Variants in SPATC1L observed in about 807,000 individuals in gnomAD.
The protein encoded by SPATC1L is speriolin-like protein.
In SPATC1L, 20 loss-of-function variants were observed where a neutral mutation model predicts 21.2. The ratio of observed to expected loss-of-function variants is 0.94; its 90% confidence interval spans 0.66 to 1.37. The LOEUF (loss-of-function observed/expected upper bound fraction) is 1.37, where lower values mean the gene tolerates loss of function less well. SPATC1L is among the 40% of genes most tolerant of loss of function. The pLI, the probability that SPATC1L is intolerant of heterozygous loss-of-function variation, is 0.00. For synonymous variants in SPATC1L, 290 were observed against 234.5 expected (o/e 1.24, Z -2.16); for missense variants, 499 against 478.7 (o/e 1.04, Z -0.40).
intron 2 of SPATC1L, among the ~76,000 whole-genome samples, chr21:46,169,107 T>C (rs1021840378): frequency 6.6e-6 from 1 of 152,286 alleles, no homozygotes; most frequent in Admixed American, 6.5e-5. Flanking sequence ...AACTGTTTCC[T>C]GGCAACTCTG....
chr21:46,182,973 C>A lies in SPATC1L; in HGVS notation c.-157G>T. 1 of 769,094 alleles carries A rather than the reference C, an allele frequency of 1.3e-6. No homozygotes were observed. The highest frequency in any genetic ancestry group is 2.0e-6 in the Non-Finnish European group (1 of 510,604). 47.6% of individuals were successfully genotyped at this position (769,094 alleles called of 1,614,324 possible). A position where few individuals can be genotyped will look rare whatever the true frequency, so the allele number is the denominator to read the frequency against. ...ATGTCACTGCCCTAGTGATGAGGTG[C>A]CCAGCACCCTGCCTGCCCCCGCGAT... On this transcript the variant is annotated 5_prime_UTR_variant, in exon 2 of 5. Coordinates refer to ENST00000291672, the MANE Select transcript of SPATC1L (RefSeq NM_001142854.2).
At chr21:46,171,155 A>T (rs746112211) in intron 2 of SPATC1L, among the ~76,000 whole-genome samples, 1 of 152,244 alleles carries the variant, frequency 6.6e-6, no homozygotes, top group Non-Finnish European at 1.5e-5. Context: ...CACCCTCATG[A>T]GGACTGAATA....
chr21:46,177,214 C>T (rs1207005403), intron 2 of SPATC1L, among the ~76,000 whole-genome samples: 1 of 152,148 alleles, frequency 6.6e-6, no homozygotes, highest in African/African-American at 2.4e-5. Context: ...GCAAAGATTT[C>T]ACAACAAAGA....
Position 46,161,307 on chromosome 21 carries a change from C to T in SPATC1L, c.*72G>A, listed in dbSNP as rs949597567. Reference sequence around the variant, plus strand: ...CGGCCCTTTCCCCTCCGGGGGGACGCGCAGGAGGCACCGCGGCCCCGGGTT... The same window carrying T: ...CGGCCCTTTCCCCTCCGGGGGGACGTGCAGGAGGCACCGCGGCCCCGGGTT... On this transcript the variant is annotated 3_prime_UTR_variant, in exon 5 of 5. Coordinates refer to ENST00000291672, the MANE Select transcript of SPATC1L (RefSeq NM_001142854.2). The T allele has an allele frequency of 6.3e-5, 87 of 1,378,710 alleles. 2 individuals are homozygous for T. Among genetic ancestry groups the T allele is most frequent in the Middle Eastern group, 4.1e-4 (2 of 4,918 alleles). The allele number at this position is 1,378,710 out of a possible 1,614,324, so 85.4% of individuals were successfully genotyped here. A position where few individuals can be genotyped will look rare whatever the true frequency, so the allele number is the denominator to read the frequency against.
chr21:46,164,618 C>T (rs1280466440), intron 3 of SPATC1L, among the ~76,000 whole-genome samples: 1 of 151,708 alleles, frequency 6.6e-6, no homozygotes, highest in African/African-American at 2.4e-5. Flanking sequence ...ATGGTGAAAC[C>T]CCATCTCTAC....
rs537412244 is a variant in SPATC1L at position 46,182,171 on chromosome 21, G to A, written c.193+453C>T. 8.5e-5 allele frequency among the ~76,000 whole-genome samples: 13 copies of A among 152,230 alleles called. No individual in the cohort carries two copies. In the East Asian group the frequency reaches 1.6e-3, roughly 18 times the overall value. On this transcript the variant is annotated intron_variant, in intron 2 of 4. Transcript: ENST00000291672. ...CCATGGGGCTGGCCTGGCTCTGGCCGGGGACATGAGTGGATGGGACACAGC... is the reference window on the plus strand; with the variant it reads ...CCATGGGGCTGGCCTGGCTCTGGCCAGGGACATGAGTGGATGGGACACAGC...
chr21:46,179,957 CG>C (rs1223057817), intron 2 of SPATC1L, among the ~76,000 whole-genome samples: 1 of 152,228 alleles, frequency 6.6e-6, no homozygotes, highest in Admixed American at 6.5e-5. Context: ...GGAACGATGC[CG>C]GCGCAGTGCC....
At chr21:46,167,535 C>A (rs943825165) in intron 3 of SPATC1L, among the ~76,000 whole-genome samples, 5 of 152,134 alleles carry the variant, frequency 3.3e-5, no homozygotes, top group Admixed American at 3.3e-4. Flanking sequence ...AATTGACAGG[C>A]CAGGCATGGT....
intron 3 of SPATC1L, among the ~76,000 whole-genome samples, chr21:46,163,060 G>C (rs971848382): frequency 1.3e-5 from 2 of 152,170 alleles, no homozygotes; most frequent in Non-Finnish European, 2.9e-5. Flanking sequence ...TATCTCATTT[G>C]CATTTCACTA....
In SPATC1L at chr21:46,161,240, C is replaced by T. The variant is rs565965239; in HGVS notation, c.*139G>A. ...GCGGGCTGCGGTCGGGGCCCAGCAC[C>T]GGTGGGAGCGGGGCCTTCTCTGGCC... On this transcript the variant is annotated 3_prime_UTR_variant, in exon 5 of 5. Transcript: ENST00000291672. 1.7e-4 allele frequency: 127 copies of T among 749,682 alleles called. No individual in the cohort carries two copies. The highest frequency in any genetic ancestry group is 1.2e-3 in the Middle Eastern group (3 of 2,486). The allele number at this position is 749,682 out of a possible 1,614,324, so 46.4% of individuals were successfully genotyped here. A position where few individuals can be genotyped will look rare whatever the true frequency, so the allele number is the denominator to read the frequency against.
chr21:46,169,309 G>A (rs867362827), intron 2 of SPATC1L, among the ~76,000 whole-genome samples: 1 of 146,380 alleles, frequency 6.8e-6, no homozygotes, highest in Non-Finnish European at 1.5e-5. Context: ...TCTGTGGATG[G>A]GGAGGAGCCT....
chr21:46,182,546 G>A (rs1262674369), intron 2 of SPATC1L, 78 bp downstream of exon 2: 11 of 1,336,238 alleles, frequency 8.2e-6, no homozygotes, highest in African/African-American at 7.5e-5. Context: ...GGAGCTGGCC[G>A]CCACCCTCGA....
chr21:46,182,788 C>G lies in SPATC1L; in HGVS notation c.29G>C (p.Arg10Pro). Residue 10 changes from arginine (R) to proline (P), a missense_variant, in exon 2 of 5, where the codon CGG becomes CCG. Coordinates refer to ENST00000291672, the MANE Select transcript of SPATC1L (RefSeq NM_001142854.2). MAEGGELMS[R>P]LLSENADLKK... ...CAGGTCCGCGTTCTCGCTCAGGAGC[C>G]GGCTCATCAGCTCGCCGCCTTCAGC... 6.5e-7 allele frequency: 1 copy of G among 1,545,078 alleles called. No homozygotes were observed.
chr21:46,174,309 G>A (rs2079613131), intron 2 of SPATC1L, among the ~76,000 whole-genome samples: 1 of 144,848 alleles, frequency 6.9e-6, no homozygotes, highest in Non-Finnish European at 1.5e-5. Context: ...AGCCTGCCTG[G>A]GAGACAGAGC....
chr21:46,164,210 G>A lies in SPATC1L; in HGVS notation c.545-2143C>T, dbSNP rs953781770. On this transcript the variant is annotated intron_variant, in intron 3 of 4. Transcript: ENST00000291672. ...GGGGGGTTGGTAGAGATGGGGTTTC[G>A]CCCTGTTGCTGAGGCTGGTCTTGAA... Among the ~76,000 whole-genome samples the A allele has an allele frequency of 4.6e-5, 7 of 152,092 alleles. No homozygotes were observed. The South Asian group carries it at 1.0e-3, about 23-fold the overall frequency.
Position 46,182,627 on chromosome 21 carries a change from C to A in SPATC1L, c.190G>T (p.Gly64Ter). 1 of 1,502,064 alleles carries A rather than the reference C, an allele frequency of 6.7e-7. No homozygotes were observed. Among genetic ancestry groups the A allele is most frequent in the Non-Finnish European group, 8.9e-7 (1 of 1,125,656 alleles). The allele number at this position is 1,502,064 out of a possible 1,614,324, so 93.0% of individuals were successfully genotyped here. Reference protein sequence around the residue: ...AYPEAGSPGSGVPDFGRFTSV... With the variant: ...AYPEAGSPGS The stretch of plus-strand genomic sequence containing the variant: ...TCTGAGCTGGGCGGCGCCTCACCTC[C>A]GCTCCCGGGGGAGCCGGCCTCAGGG... Residue 64 changes from glycine (G) to a stop codon, truncating the protein, a stop_gained, in exon 2 of 5, where the codon GGA (glycine) becomes TGA (stop). Coordinates refer to ENST00000291672, the MANE Select transcript of SPATC1L (RefSeq NM_001142854.2). LOFTEE classifies it high-confidence loss of function.
chr21:46,179,240 T>C (rs1384259069), intron 2 of SPATC1L, among the ~76,000 whole-genome samples: 1 of 151,768 alleles, frequency 6.6e-6, no homozygotes, highest in African/African-American at 2.4e-5. Context: ...ATAGACCCTG[T>C]CTGAAAAAGA....
At chr21:46,181,226 G>A (rs188168843) in intron 2 of SPATC1L, among the ~76,000 whole-genome samples, 21 of 152,338 alleles carry the variant, frequency 1.4e-4, no homozygotes, top group African/African-American at 4.6e-4. Context: ...ACGTGGCCCA[G>A]CACCGTAAGC....
chr21:46,166,109 TA>T (rs1308159362), intron 3 of SPATC1L, among the ~76,000 whole-genome samples: 3 of 152,226 alleles, frequency 2.0e-5, no homozygotes, highest in African/African-American at 7.2e-5. Flanking sequence ...CTCATGCCTG[TA>T]ATCCCAGTAC....
Sources: allele counts gnomAD v4.1 joint callset (sites outside exome capture counted in the v4.1 genomes callset), GRCh38; gene constraint gnomAD v4.1.1; transcripts MANE v1.5; gene names NCBI Gene and HGNC (gene_info 2026-07-23, HGNC 2026-07-21).